The following ST3GAL5 variants were observed in gnomAD, a reference collection of about 807,000 sequenced individuals.
The protein encoded by ST3GAL5 is lactosylceramide alpha-2,3-sialyltransferase.
ST3GAL5 carries 25 observed loss-of-function variants against 46.1 expected under a neutral mutation model. That is an observed-to-expected ratio of 0.54 (90% confidence interval 0.40 to 0.76). The LOEUF is 0.76. Among genes scored for constraint, ST3GAL5 ranks in the 30% least tolerant of loss-of-function variants. ST3GAL5 has a pLI of 0.00. For synonymous variants in ST3GAL5, 182 were observed against 192.7 expected (o/e 0.94, Z 0.46); for missense variants, 431 against 521.2 (o/e 0.83, Z 1.69).
At chr2:85,841,526 G>T (rs965107025) in intron 6 of ST3GAL5, among the ~76,000 whole-genome samples, 1 of 151,994 alleles carries the variant, frequency 6.6e-6, no homozygotes, top group Admixed American at 6.6e-5. Context: ...GTAGAAATAG[G>T]GTTTCACCAT....
rs540477064 is a variant in ST3GAL5 at position 85,876,847 on chromosome 2, C to T, written c.82+11977G>A. Among the ~76,000 whole-genome samples, 37 of 152,270 alleles carry T rather than the reference C, an allele frequency of 2.4e-4. No individual in the cohort carries two copies. In the South Asian group the frequency reaches 7.3e-3, roughly 30 times the overall value. Reference sequence around the variant, plus strand: ...GTGGGCGTGACTTCTATAATGACCACGGAAAGGGCAGACACTGAAAAGCCC... The same window carrying T: ...GTGGGCGTGACTTCTATAATGACCATGGAAAGGGCAGACACTGAAAAGCCC... On this transcript the variant is annotated intron_variant, in intron 1 of 6. Transcript: ENST00000638572.
At chr2:85,865,415 T>A (rs55915927) in intron 1 of ST3GAL5, among the ~76,000 whole-genome samples, 2,047 of 152,312 alleles carry the variant, frequency 0.013, 21 homozygotes, top group South Asian at 0.023. Flanking sequence ...TAATTCTAAT[T>A]CTGTGTAGCA....
intron 1 of ST3GAL5, among the ~76,000 whole-genome samples, chr2:85,866,553 A>G (rs1685308332): frequency 6.6e-6 from 1 of 152,266 alleles, no homozygotes. Context: ...GATGTGCCAA[A>G]TTGTTACTTC....
chr2:85,852,392 G>A (rs1683615160), intron 3 of ST3GAL5, among the ~76,000 whole-genome samples: 1 of 152,214 alleles, frequency 6.6e-6, no homozygotes, highest in African/African-American at 2.4e-5. Flanking sequence ...TACCTGGCAT[G>A]TGTGGAGACT....
At chr2:85,875,247 T>C (rs1311219760) in intron 1 of ST3GAL5, among the ~76,000 whole-genome samples, 2 of 151,936 alleles carry the variant, frequency 1.3e-5, no homozygotes, top group Admixed American at 6.6e-5. Context: ...TTTGTAGAGA[T>C]AGAGTCTAAG....
chr2:85,888,896 TC>T lies in ST3GAL5; in HGVS notation c.9del (p.Lys4ArgfsTer33). MR[T>X]KAAGCAERRP... ...CGCCGCTCCGCGCAGCCCGCCGCCT[TC>T]GTCCGCATACTAATGAGGGGGCGCC... On this transcript the variant is annotated frameshift_variant, in exon 1 of 7. Coordinates refer to ENST00000638572, the MANE Select transcript of ST3GAL5 (RefSeq NM_003896.4). LOFTEE classifies it high-confidence loss of function. The T allele has an allele frequency of 7.3e-7, 1 of 1,373,346 alleles. No homozygotes were observed. The highest frequency in any genetic ancestry group is 9.5e-7 in the Non-Finnish European group (1 of 1,056,364). The allele number at this position is 1,373,346 out of a possible 1,614,324, so 85.1% of individuals were successfully genotyped here. A position where few individuals can be genotyped will look rare whatever the true frequency, so the allele number is the denominator to read the frequency against.
intron 1 of ST3GAL5, chr2:85,865,716 A>G (rs1455821642): frequency 6.6e-6 from 1 of 152,232 alleles, no homozygotes. Context: ...GAGAACAAAG[A>G]TGACTGTGGT....
chr2:85,864,994 G>A (rs1331031197), intron 1 of ST3GAL5, among the ~76,000 whole-genome samples: 1 of 152,116 alleles, frequency 6.6e-6, no homozygotes, highest in African/African-American at 2.4e-5. Flanking sequence ...CTGCCACTCT[G>A]GACCACACAG....
chr2:85,882,672 T>C (rs1687291761), intron 1 of ST3GAL5, among the ~76,000 whole-genome samples: 1 of 101,658 alleles, frequency 9.8e-6, no homozygotes, highest in South Asian at 2.7e-4. Flanking sequence ...CTACTAAAAA[T>C]ACAAAAAAAA....
intron 3 of ST3GAL5, chr2:85,852,801 C>G: frequency 9.0e-7 from 1 of 1,111,704 alleles, no homozygotes; most frequent in Non-Finnish European, 1.2e-6. Flanking sequence ...ATTGATTTAA[C>G]TAGCAGCGTC....
intron 6 of ST3GAL5, among the ~76,000 whole-genome samples, chr2:85,842,528 A>C (rs2103923131): frequency 6.6e-6 from 1 of 152,346 alleles, no homozygotes; most frequent in East Asian, 1.9e-4. Flanking sequence ...CTGATACTGC[A>C]ACTTTAGATC....
intron 3 of ST3GAL5, chr2:85,860,967 T>A (rs1035772000): frequency 1.8e-6 from 1 of 552,752 alleles, no homozygotes; most frequent in African/African-American, 1.9e-5. Context: ...ACACCCCAGC[T>A]GCAGTAAATG....
intron 1 of ST3GAL5, among the ~76,000 whole-genome samples, chr2:85,876,185 C>G (rs1276794876): frequency 6.6e-6 from 1 of 152,196 alleles, no homozygotes; most frequent in African/African-American, 2.4e-5. Context: ...GTGCACTGAT[C>G]TCTGGGCATA....
At chr2:85,884,552 C>T (rs1291380419) in intron 1 of ST3GAL5, among the ~76,000 whole-genome samples, 2 of 152,114 alleles carry the variant, frequency 1.3e-5, no homozygotes, top group African/African-American at 2.4e-5. Flanking sequence ...AGCAAGAAGC[C>T]CACATCAGTC....
chr2:85,857,805 G>A (rs1414446295), intron 3 of ST3GAL5, among the ~76,000 whole-genome samples: 5 of 152,104 alleles, frequency 3.3e-5, no homozygotes, highest in African/African-American at 7.2e-5. Flanking sequence ...CGACTACTCC[G>A]GCCACAGTGG....
intron 4 of ST3GAL5, 160 bp from the exon 5 acceptor site, chr2:85,846,723 G>T: frequency 1.5e-6 from 1 of 671,132 alleles, no homozygotes; most frequent in Non-Finnish European, 2.6e-6. Context: ...GTCTTTCTAG[G>T]ATTTCGAGGA....
chr2:85,865,989 A>T (rs1685248295), intron 1 of ST3GAL5: 1 of 151,958 alleles, frequency 6.6e-6, no homozygotes, highest in Non-Finnish European at 1.5e-5. Flanking sequence ...TCTACATGTG[A>T]CTCCTGCAGC....
intron 1 of ST3GAL5, chr2:85,888,127 G>A (rs1687965529): frequency 6.6e-6 from 1 of 152,122 alleles, no homozygotes; most frequent in Admixed American, 6.5e-5. Context: ...CCATGAGCCC[G>A]AGCCCCACAG....
chr2:85,864,583 C>CAAAA (rs71392946), intron 1 of ST3GAL5, among the ~76,000 whole-genome samples: 4 of 125,810 alleles, frequency 3.2e-5, no homozygotes, highest in African/African-American at 1.1e-4. Flanking sequence ...AGTGTTACAT[C>CAAAA]AAAAAAAAAA....
Sources: allele counts gnomAD v4.1 joint callset (sites outside exome capture counted in the v4.1 genomes callset), GRCh38; gene constraint gnomAD v4.1.1; transcripts MANE v1.5; gene names NCBI Gene and HGNC (gene_info 2026-07-23, HGNC 2026-07-21).